ABCG2: variants seen among roughly 807,000 people sequenced by gnomAD.
ABCG2 encodes the protein ATP binding cassette subfamily G member 2 (JR blood group), also known as broad substrate specificity ATP-binding cassette transporter ABCG2.
A neutral mutation model predicts 73.5 loss-of-function variants in ABCG2; 80 were observed. That is an observed-to-expected ratio of 1.09 (90% CI 0.91 to 1.31). The LOEUF is 1.31. ABCG2 is among the 50% of genes most tolerant of loss of function. ABCG2 has a pLI of 0.00. For missense variants in ABCG2, 796 were observed against 786.2 expected (o/e 1.01, Z -0.15); for synonymous variants, 269 against 282.4 (o/e 0.95, Z 0.48).
At chr4:88,114,417 A>G (rs919971560) in intron 8 of ABCG2, among the ~76,000 whole-genome samples, 3 of 152,114 alleles carry the variant, frequency 2.0e-5, no homozygotes, top group Non-Finnish European at 4.4e-5. Context: ...ACTTGAGGTC[A>G]GGAGTTTGAA....
chr4:88,217,112 A>G (rs1729843419), intron 1 of ABCG2, among the ~76,000 whole-genome samples: 1 of 152,150 alleles, frequency 6.6e-6, no homozygotes, highest in African/African-American at 2.4e-5. Context: ...AAGTTACAGA[A>G]TGCCTTATCT....
At chr4:88,225,782 A>G (rs577708831) in intron 1 of ABCG2, among the ~76,000 whole-genome samples, 1 of 152,188 alleles carries the variant, frequency 6.6e-6, no homozygotes, top group Non-Finnish European at 1.5e-5. Context: ...ATTTATCAAG[A>G]AAAAGAGGTT....
chr4:88,196,135 C>T (rs62309282), intron 1 of ABCG2, among the ~76,000 whole-genome samples: 10,089 of 152,138 alleles, frequency 0.066, 426 homozygotes, highest in Middle Eastern at 0.12. Flanking sequence ...GGTTGGGGGT[C>T]GGGGACACTC....
chr4:88,125,625 A>AAAAAAC (rs1724352758), intron 5 of ABCG2, among the ~76,000 whole-genome samples: 1 of 149,710 alleles, frequency 6.7e-6, no homozygotes, highest in Non-Finnish European at 1.5e-5. Flanking sequence ...AAAAAAAAAA[A>AAAAAAC]AAAAAAAAAA....
chr4:88,097,194 G>A (rs774170147), intron 13 of ABCG2, among the ~76,000 whole-genome samples: 33 of 152,118 alleles, frequency 2.2e-4, no homozygotes, highest in Non-Finnish European at 4.0e-4. Context: ...ACAAAGAAAC[G>A]CCTTTTAAAA....
intron 1 of ABCG2, among the ~76,000 whole-genome samples, chr4:88,214,642 T>G (rs1445834516): frequency 6.6e-6 from 1 of 152,036 alleles, no homozygotes; most frequent in African/African-American, 2.4e-5. Flanking sequence ...GGAGGATCAC[T>G]TGAGCCCAGG....
chr4:88,095,587 T>A lies in ABCG2; in HGVS notation c.1670A>T (p.Asn557Ile). 6.2e-7 allele frequency: 1 copy of A among 1,613,794 alleles called. No individual in the cohort carries two copies. Among genetic ancestry groups the A allele is most frequent in the Admixed American group, 1.7e-5 (1 of 60,024 alleles). ...CAGCCAAGATGCAATGGTTGTGAGA[T>A]TGACCAACAGACCTGAAAAAATCTA... ...FMMIFSGLLV[N>I]LTTIASWLSW... The change falls in exon 14 of 16, where the codon AAT becomes ATT. Residue 557 changes from asparagine to isoleucine, a missense_variant. Coordinates refer to ENST00000237612, the MANE Select transcript of ABCG2 (RefSeq NM_004827.3).
intron 1 of ABCG2, among the ~76,000 whole-genome samples, chr4:88,194,312 A>G (rs1339738365): frequency 6.6e-6 from 1 of 151,566 alleles, no homozygotes; most frequent in Non-Finnish European, 1.5e-5. Context: ...GCACTTTGGG[A>G]GGCCGAGGCG....
At chr4:88,144,148 C>T (rs2110062208) in intron 1 of ABCG2, among the ~76,000 whole-genome samples, 1 of 152,288 alleles carries the variant, frequency 6.6e-6, no homozygotes, top group African/African-American at 2.4e-5. Flanking sequence ...TCCTTATTTG[C>T]AGATTACCTG....
intron 1 of ABCG2, among the ~76,000 whole-genome samples, chr4:88,222,001 C>A (rs1730028035): frequency 6.6e-6 from 1 of 152,180 alleles, no homozygotes; most frequent in South Asian, 2.1e-4. Flanking sequence ...TCCCTGAAGA[C>A]TAGGAGGGAA....
intron 1 of ABCG2, among the ~76,000 whole-genome samples, chr4:88,189,022 C>A (rs892865048): frequency 1.3e-5 from 2 of 151,186 alleles, no homozygotes; most frequent in Non-Finnish European, 1.5e-5. Context: ...TAAACAACAA[C>A]AAAAAAAACA....
At chr4:88,163,892 T>G (rs1578248532), upstream of ABCG2, 1 of 165,790 alleles carries the variant, frequency 6.0e-6, no homozygotes, top group East Asian at 1.8e-4. Context: ...CTCTATATTT[T>G]GTTACATTCC....
At chr4:88,219,966 A>G (rs1013406023) in intron 1 of ABCG2, among the ~76,000 whole-genome samples, 1 of 151,976 alleles carries the variant, frequency 6.6e-6, no homozygotes, top group African/African-American at 2.4e-5. Flanking sequence ...TTCATCTTCC[A>G]AACTGAAACT....
At chr4:88,128,713 T>C (rs374152512) in intron 5 of ABCG2, among the ~76,000 whole-genome samples, 2 of 151,546 alleles carry the variant, frequency 1.3e-5, no homozygotes, top group Non-Finnish European at 2.9e-5. Context: ...TAAGTGGGAG[T>C]TGAACAATGA....
At chr4:88,182,682 A>G (rs1294370847) in intron 1 of ABCG2, among the ~76,000 whole-genome samples, 1 of 152,220 alleles carries the variant, frequency 6.6e-6, no homozygotes, top group Non-Finnish European at 1.5e-5. Flanking sequence ...TAGTAAGAAA[A>G]TTAAAAATTT....
At chr4:88,184,260 A>T (rs1728363916) in intron 1 of ABCG2, among the ~76,000 whole-genome samples, 1 of 152,166 alleles carries the variant, frequency 6.6e-6, no homozygotes, top group Non-Finnish European at 1.5e-5. Flanking sequence ...GAAAAGAAGG[A>T]AGTCAAATTA....
At chr4:88,184,973 T>C (rs907905486) in intron 1 of ABCG2, among the ~76,000 whole-genome samples, 1 of 152,224 alleles carries the variant, frequency 6.6e-6, no homozygotes, top group African/African-American at 2.4e-5. Context: ...TAAATGATGC[T>C]GGGAAAACTG....
chr4:88,092,130 G>T lies in ABCG2; in HGVS notation c.*104C>A. 2 of 1,038,510 alleles carry T rather than the reference G, an allele frequency of 1.9e-6. No individual in the cohort carries two copies. The highest frequency in any genetic ancestry group is 2.8e-6 in the Non-Finnish European group (2 of 719,560). 64.3% of individuals were successfully genotyped at this position (1,038,510 alleles called of 1,614,324 possible). A position where few individuals can be genotyped will look rare whatever the true frequency, so the allele number is the denominator to read the frequency against. On this transcript the variant is annotated 3_prime_UTR_variant, in exon 16 of 16. Transcript: ENST00000237612. ...AAAACAATTGCTGCTGTGCAACAGT[G>T]TGATGGCAAGGGAACAGAAAACAAC...
At position 88,114,985 on chromosome 4, in the gene ABCG2, C is replaced by T. The variant is rs755743728; in HGVS notation, c.915G>A (p.Val305=). The stretch of plus-strand genomic sequence containing the variant: ...TAAAGTCTTCTTCTCTGTTTAATGC[C>T]ACAGCAGTGGAATCTCCATTAATGA... The part of the protein sequence containing the change: ...LDIINGDSTA[V]ALNREEDFKA... Residue 305 remains valine, a synonymous_variant, in exon 8 of 16, where the codon GTG becomes GTA. Coordinates refer to ENST00000237612, the MANE Select transcript of ABCG2 (RefSeq NM_004827.3). The T allele has an allele frequency of 1.2e-5, 19 of 1,612,062 alleles. No homozygotes were observed. In the African/African-American group the frequency reaches 2.4e-4, roughly 20 times the overall value.
Sources: allele counts gnomAD v4.1 joint callset (sites outside exome capture counted in the v4.1 genomes callset), GRCh38; gene constraint gnomAD v4.1.1; transcripts MANE v1.5; gene names NCBI Gene and HGNC (gene_info 2026-07-23, HGNC 2026-07-21).